Variants in CD300LF observed in about 807,000 individuals in gnomAD.
CD300LF encodes CMRF35-like molecule 1.
A neutral mutation model predicts 32.2 loss-of-function variants in CD300LF; 27 were observed. The ratio of observed to expected loss-of-function variants is 0.84; its 90% CI spans 0.62 to 1.15. CD300LF has a LOEUF of 1.15. CD300LF is among the 50% of genes most tolerant of loss of function. The probability of loss-of-function intolerance (pLI) is 0.00; values close to 1 mark genes in which losing one functional copy is unlikely to be tolerated. For missense variants in CD300LF, 348 were observed against 356.8 expected (o/e 0.98, Z 0.20); for synonymous variants, 139 against 143.2 (o/e 0.97, Z 0.21).
intron 1 of CD300LF, among the ~76,000 whole-genome samples, chr17:74,710,053 A>T (rs547969755): frequency 6.6e-6 from 1 of 152,194 alleles, no homozygotes; most frequent in South Asian, 2.1e-4. Context: ...ATCTCGGCTC[A>T]CTGCAAGTTC....
At chr17:74,709,765 G>C (rs1034373966) in intron 1 of CD300LF, among the ~76,000 whole-genome samples, 1 of 151,826 alleles carries the variant, frequency 6.6e-6, no homozygotes, top group African/African-American at 2.4e-5. Flanking sequence ...GAGAGACAAG[G>C]TCTCACTTTG....
intron 1 of CD300LF, among the ~76,000 whole-genome samples, chr17:74,707,315 C>A (rs1487733373): frequency 2.0e-5 from 3 of 152,202 alleles, no homozygotes; most frequent in Non-Finnish European, 2.9e-5. Flanking sequence ...TAATTAAAAA[C>A]TGGGCAAGGA....
In CD300LF at chr17:74,694,975, G is replaced by T; in HGVS notation, c.*121C>A. The T allele has an allele frequency of 8.9e-7, 1 of 1,129,388 alleles. No homozygotes were observed. The highest frequency in any genetic ancestry group is 1.3e-6 in the Non-Finnish European group (1 of 794,538). The allele number at this position is 1,129,388 out of a possible 1,614,324, so 70.0% of individuals were successfully genotyped here. On this transcript the variant is annotated 3_prime_UTR_variant, in exon 7 of 7. Coordinates refer to ENST00000326165, the MANE Select transcript of CD300LF (RefSeq NM_139018.5). ...CAACCCAGAGCTAGGGGCAATGCTG[G>T]CTGATCAGGCAGAGGCACCAGTCCC...
chr17:74,695,733 CATA>C lies in CD300LF; in HGVS notation c.706_708del (p.Tyr236del). The C allele has an allele frequency of 6.2e-7, 1 of 1,614,142 alleles. No homozygotes were observed. On this transcript the variant is annotated inframe_deletion, in exon 6 of 7. Transcript: ENST00000326165. Reference sequence around the variant, plus strand: ...CCCCATGGAGGACGCACCATGGTGACATATTCCACTTCCACCTGGTCAACCTGG... The same window carrying C: ...CCCCATGGAGGACGCACCATGGTGACTTCCACTTCCACCTGGTCAACCTGG...
At chr17:74,706,045 G>A (rs1468912610) in intron 1 of CD300LF, among the ~76,000 whole-genome samples, 2 of 152,122 alleles carry the variant, frequency 1.3e-5, no homozygotes, top group Non-Finnish European at 2.9e-5. Flanking sequence ...CTAAACATTG[G>A]TTATGCATGG....
chr17:74,697,886 C>T (rs796555966), intron 4 of CD300LF, among the ~76,000 whole-genome samples: 2 of 152,214 alleles, frequency 1.3e-5, no homozygotes, highest in African/African-American at 2.4e-5. Flanking sequence ...GTGATGAGTG[C>T]ACATGCACTG....
intron 1 of CD300LF, among the ~76,000 whole-genome samples, chr17:74,712,458 T>C (rs537045962): frequency 3.9e-5 from 6 of 152,318 alleles, no homozygotes; most frequent in African/African-American, 1.4e-4. Flanking sequence ...ACGCCTGCCC[T>C]TGCTCAGAAC....
chr17:74,708,704 G>A (rs11077761), intron 1 of CD300LF, among the ~76,000 whole-genome samples: 1 of 151,950 alleles, frequency 6.6e-6, no homozygotes, highest in African/African-American at 2.4e-5. Flanking sequence ...ATCAGGAGGT[G>A]AGGAGATCGA....
chr17:74,707,790 T>G (rs955525659), intron 1 of CD300LF, among the ~76,000 whole-genome samples: 1 of 150,878 alleles, frequency 6.6e-6, no homozygotes, highest in Non-Finnish European at 1.5e-5. Flanking sequence ...AAACCATGAA[T>G]AAGATAAAAG....
At position 74,704,957 on chromosome 17, in the gene CD300LF, C is replaced by T. The variant is rs989259910; in HGVS notation, c.44-141G>A. The T allele has an allele frequency of 4.6e-5, 32 of 693,142 alleles. No individual in the cohort carries two copies. In the African/African-American group the frequency reaches 5.2e-4, roughly 11 times the overall value. 42.9% of individuals were successfully genotyped at this position (693,142 alleles called of 1,614,324 possible). ...AGAAATACACCTTCCGCAGACAAAACTTTTGTCCTTCAGCTTTCCACTGGG... is the reference window on the plus strand; with the variant it reads ...AGAAATACACCTTCCGCAGACAAAATTTTTGTCCTTCAGCTTTCCACTGGG... On this transcript the variant is annotated intron_variant, in intron 1 of 6. Transcript: ENST00000326165.
At chr17:74,698,746 A>C (rs2032758911) in intron 3 of CD300LF, 2 of 715,050 alleles carry the variant, frequency 2.8e-6, no homozygotes, top group Non-Finnish European at 4.4e-6. Flanking sequence ...AAAAAACTAC[A>C]AACTACCTAT....
chr17:74,702,209 G>A (rs1307291459), intron 3 of CD300LF, among the ~76,000 whole-genome samples: 1 of 152,076 alleles, frequency 6.6e-6, no homozygotes, highest in Non-Finnish European at 1.5e-5. Context: ...AGAGGGCCAA[G>A]GAGAGTGAAA....
chr17:74,705,605 A>T (rs942651980), intron 1 of CD300LF, among the ~76,000 whole-genome samples: 3 of 151,954 alleles, frequency 2.0e-5, no homozygotes, highest in Non-Finnish European at 4.4e-5. Flanking sequence ...TTCTTTTGAA[A>T]CAGGCTCTCA....
At chr17:74,700,794 G>C (rs991281390) in intron 3 of CD300LF, among the ~76,000 whole-genome samples, 1 of 152,064 alleles carries the variant, frequency 6.6e-6, no homozygotes, top group Non-Finnish European at 1.5e-5. Context: ...GGCTGGGCTG[G>C]ATTGTACACC....
At chr17:74,702,023 TAA>T (rs1056975884) in intron 3 of CD300LF, among the ~76,000 whole-genome samples, 1 of 139,670 alleles carries the variant, frequency 7.2e-6, no homozygotes, top group African/African-American at 2.7e-5. Flanking sequence ...TGTCTAAAAA[TAA>T]AAAAAAAGAA....
chr17:74,700,982 G>A (rs1412998598), intron 3 of CD300LF, among the ~76,000 whole-genome samples: 1 of 152,124 alleles, frequency 6.6e-6, no homozygotes, highest in African/African-American at 2.4e-5. Flanking sequence ...GACACACGCA[G>A]AGGGACGACC....
intron 2 of CD300LF, 87 bp from the exon 3 acceptor site, chr17:74,703,185 C>A: frequency 6.5e-7 from 1 of 1,548,886 alleles, no homozygotes; most frequent in South Asian, 1.1e-5. Context: ...CACAGATGCC[C>A]CTGCCCATGA....
chr17:74,705,214 A>T (rs2033409815), intron 1 of CD300LF: 1 of 702,480 alleles, frequency 1.4e-6, no homozygotes, highest in African/African-American at 1.7e-5. Flanking sequence ...CTTGACTCTT[A>T]GCACTGATGA....
intron 1 of CD300LF, among the ~76,000 whole-genome samples, chr17:74,706,864 T>G (rs915381379): frequency 6.6e-6 from 1 of 152,128 alleles, no homozygotes; most frequent in African/African-American, 2.4e-5. Context: ...AAGCGGGCCC[T>G]GTGACAAGAA....
Sources: allele counts gnomAD v4.1 joint callset (sites outside exome capture counted in the v4.1 genomes callset), GRCh38; gene constraint gnomAD v4.1.1; transcripts MANE v1.5; gene names NCBI Gene and HGNC (gene_info 2026-07-23, HGNC 2026-07-21).